The following EPN2 variants were observed in gnomAD, a reference collection of about 807,000 sequenced individuals.
The protein encoded by EPN2 is epsin 2, also known as epsin-2.
EPN2 carries 34 observed loss-of-function variants against 61.7 expected under a neutral mutation model. That is an observed-to-expected ratio of 0.55 (90% CI 0.42 to 0.73). The LOEUF is 0.73. Among genes scored for constraint, EPN2 ranks in the 30% least tolerant of loss-of-function variants. EPN2 has a pLI of 0.00. For synonymous variants in EPN2, 349 were observed against 353.6 expected (o/e 0.99, Z 0.15); for missense variants, 714 against 839.2 (o/e 0.85, Z 1.84).
chr17:19,269,707 C>G (rs979358404), intron 1 of EPN2, among the ~76,000 whole-genome samples: 1 of 152,328 alleles, frequency 6.6e-6, no homozygotes, highest in South Asian at 2.1e-4. Flanking sequence ...ATGCCAGGTT[C>G]TGTCCTGGCT....
intron 4 of EPN2, among the ~76,000 whole-genome samples, chr17:19,304,787 T>G (rs1905743558): frequency 6.6e-6 from 1 of 152,196 alleles, no homozygotes; most frequent in Non-Finnish European, 1.5e-5. Flanking sequence ...GGGACAAGAT[T>G]TGTCCGTCCA....
At chr17:19,247,286 A>G (rs1033730551) in intron 1 of EPN2, among the ~76,000 whole-genome samples, 1 of 152,168 alleles carries the variant, frequency 6.6e-6, no homozygotes, top group Non-Finnish European at 1.5e-5. Context: ...AGAGGCAAAT[A>G]ATGGTTATAA....
At chr17:19,328,634 G>A in intron 7 of EPN2, 77 bp from the exon 8 acceptor site, 2 of 1,364,404 alleles carry the variant, frequency 1.5e-6, no homozygotes, top group East Asian at 2.4e-5. Context: ...GTGGCTGGCA[G>A]TATCCTTTTC....
chr17:19,289,954 C>T (rs1272160266), intron 4 of EPN2, among the ~76,000 whole-genome samples: 1 of 151,944 alleles, frequency 6.6e-6, no homozygotes, highest in Non-Finnish European at 1.5e-5. Flanking sequence ...CCCCTGACCT[C>T]AAGTGATCTG....
chr17:19,308,033 T>C (rs574800842), intron 4 of EPN2: 1 of 984,228 alleles, frequency 1.0e-6, no homozygotes, highest in East Asian at 1.1e-4. Context: ...TTTCCTAAAA[T>C]AGATGTAATG....
At chr17:19,247,111 A>G (rs1309268839) in intron 1 of EPN2, among the ~76,000 whole-genome samples, 1 of 152,158 alleles carries the variant, frequency 6.6e-6, no homozygotes, top group Non-Finnish European at 1.5e-5. Context: ...CCTGGGATAT[A>G]ATGACTATAC....
At chr17:19,316,608 C>G (rs1906395199) in intron 7 of EPN2, among the ~76,000 whole-genome samples, 1 of 152,102 alleles carries the variant, frequency 6.6e-6, no homozygotes, top group Non-Finnish European at 1.5e-5. Flanking sequence ...TGCTTCCTGT[C>G]TTTTTTCTGG....
intron 7 of EPN2, among the ~76,000 whole-genome samples, chr17:19,315,369 C>T (rs1422340801): frequency 1.3e-5 from 2 of 152,166 alleles, no homozygotes; most frequent in African/African-American, 4.8e-5. Flanking sequence ...GGAGGAGTCT[C>T]CCCTGATGAA....
At chr17:19,256,431 A>AT (rs1289937061) in intron 1 of EPN2, among the ~76,000 whole-genome samples, 3 of 151,544 alleles carry the variant, frequency 2.0e-5, no homozygotes, top group African/African-American at 7.3e-5. Flanking sequence ...AAAAAAAAAA[A>AT]AAAAAAAAAA....
intron 8 of EPN2, 114 bp downstream of exon 8, chr17:19,329,001 C>A: frequency 1.1e-6 from 1 of 944,686 alleles, no homozygotes; most frequent in Non-Finnish European, 1.6e-6. Context: ...TTGCTCCCCT[C>A]CTCCCCCTTA....
intron 7 of EPN2, among the ~76,000 whole-genome samples, chr17:19,320,322 C>A (rs1381559213): frequency 6.6e-6 from 1 of 152,146 alleles, no homozygotes; most frequent in Non-Finnish European, 1.5e-5. Context: ...TGGGGCCAGG[C>A]CTGGGGACTG....
At chr17:19,289,071 TATG>T (rs140460226) in intron 4 of EPN2, among the ~76,000 whole-genome samples, 2 of 132,344 alleles carry the variant, frequency 1.5e-5, no homozygotes, top group Admixed American at 7.3e-5. Context: ...AGGTTCTGGG[TATG>T]TTTTTTTTTT....
At chr17:19,257,082 A>G (rs1765282985) in intron 1 of EPN2, among the ~76,000 whole-genome samples, 1 of 152,242 alleles carries the variant, frequency 6.6e-6, no homozygotes, top group African/African-American at 2.4e-5. Context: ...TCTGACTGCA[A>G]AGTGTTGGGT....
intron 1 of EPN2, among the ~76,000 whole-genome samples, chr17:19,262,022 A>C (rs1481523105): frequency 6.6e-6 from 1 of 151,598 alleles, no homozygotes; most frequent in Non-Finnish European, 1.5e-5. Flanking sequence ...ACCCATCTCT[A>C]CTAAAAATAC....
At chr17:19,324,555 G>GCTCCCGAC (rs1906781822) in intron 7 of EPN2, among the ~76,000 whole-genome samples, 1 of 152,050 alleles carries the variant, frequency 6.6e-6, no homozygotes, top group Admixed American at 6.6e-5. Context: ...CTGGTCTCAA[G>GCTCCCGAC]CTCCCGACCT....
At chr17:19,245,089 A>G (rs2044930523) in intron 1 of EPN2, among the ~76,000 whole-genome samples, 1 of 152,052 alleles carries the variant, frequency 6.6e-6, no homozygotes, top group Non-Finnish European at 1.5e-5. Context: ...TCAGTCCCAC[A>G]CCTGTCTGAT....
intron 4 of EPN2, among the ~76,000 whole-genome samples, chr17:19,290,468 C>T (rs910419442): frequency 1.3e-5 from 2 of 152,152 alleles, no homozygotes; most frequent in African/African-American, 4.8e-5. Context: ...AAGATTGCTG[C>T]TGTCCTCTCA....
At chr17:19,309,843 A>G in intron 4 of EPN2, 42 bp from the exon 5 acceptor site, 1 of 1,525,708 alleles carries the variant, frequency 6.6e-7, no homozygotes, top group Non-Finnish European at 9.0e-7. Flanking sequence ...GAGCTGTATC[A>G]GCCTTGTCTT....
intron 1 of EPN2, among the ~76,000 whole-genome samples, chr17:19,267,000 T>G (rs2045206171): frequency 6.7e-6 from 1 of 148,834 alleles, no homozygotes; most frequent in Non-Finnish European, 1.5e-5. Flanking sequence ...CCACCACGCC[T>G]GGCTAATTTT....
Sources: gnomAD v4.1 joint callset for allele counts (sites outside exome capture counted in the v4.1 genomes callset) on GRCh38, gnomAD v4.1.1 for gene constraint, MANE v1.5 for transcripts, NCBI Gene and HGNC (gene_info 2026-07-23, HGNC 2026-07-21) for gene names.